HECW2: variants seen among roughly 807,000 people sequenced by gnomAD.
HECW2 encodes E3 ubiquitin-protein ligase HECW2.
A neutral mutation model predicts 175.2 loss-of-function variants in HECW2; 61 were observed. The ratio of observed to expected loss-of-function variants is 0.35; its 90% CI spans 0.28 to 0.43. The LOEUF (loss-of-function observed/expected upper bound fraction) is 0.43, where lower values mean the gene tolerates loss of function less well. HECW2 is among the 20% of genes least tolerant of loss of function. The pLI is 1.00. For synonymous variants in HECW2, 671 were observed against 731.0 expected (o/e 0.92, Z 1.32); for missense variants, 1,524 against 2,000.5 (o/e 0.76, Z 4.54).
At chr2:196,461,512 A>G (rs1486338001) in intron 1 of HECW2, among the ~76,000 whole-genome samples, 1 of 152,202 alleles carries the variant, frequency 6.6e-6, no homozygotes, top group Non-Finnish European at 1.5e-5. Context: ...AGAAATGAAA[A>G]CATATCCACA....
chr2:196,221,117 T>C (rs886616521), intron 24 of HECW2, among the ~76,000 whole-genome samples, 176 bp from the exon 25 acceptor site: 10 of 152,062 alleles, frequency 6.6e-5, no homozygotes, highest in Non-Finnish European at 1.2e-4. Context: ...CAGGAAAAAA[T>C]AGGCATTGAG....
rs1371848681 is a variant in HECW2 at position 196,318,669 on chromosome 2, C to G, written c.2221G>C (p.Gly741Arg). ...EELGEVWQRR[G>R]SLEGAAAAAE... is the part of the protein sequence containing the mutation. The stretch of plus-strand genomic sequence containing the variant: ...GCAGCTGCAGCTCCCTCCAGGCTCC[C>G]CCTCCGCTGCCAGACCTCCCCCAGC... Residue 741 changes from glycine (G) to arginine (R), a missense_variant, in exon 9 of 29, where the codon GGG (glycine) becomes CGG (arginine). Gly to Arg is a moderately radical substitution (Grantham distance 125). Coordinates refer to ENST00000644978, the MANE Select transcript of HECW2 (RefSeq NM_001348768.2). The G allele has an allele frequency of 8.7e-6, 14 of 1,600,200 alleles. No homozygotes were observed. The highest frequency in any genetic ancestry group is 1.2e-5 in the Non-Finnish European group (14 of 1,172,812).
At chr2:196,444,096 T>G (rs112231018) in intron 1 of HECW2, among the ~76,000 whole-genome samples, 1 of 152,238 alleles carries the variant, frequency 6.6e-6, no homozygotes, top group African/African-American at 2.4e-5. Context: ...CATTTCCTCT[T>G]ACATTCATTC....
intron 21 of HECW2, among the ~76,000 whole-genome samples, chr2:196,237,617 A>G (rs929886502): frequency 2.0e-5 from 3 of 152,148 alleles, no homozygotes; most frequent in Admixed American, 6.5e-5. Context: ...GGCTGGTTCC[A>G]TATTTTGCAA....
At chr2:196,453,485 AG>A (rs1374386572) in intron 1 of HECW2, among the ~76,000 whole-genome samples, 2 of 152,114 alleles carry the variant, frequency 1.3e-5, no homozygotes, top group African/African-American at 4.8e-5. Flanking sequence ...TAGGAAGGAG[AG>A]TATTGTAATT....
intron 15 of HECW2, among the ~76,000 whole-genome samples, chr2:196,277,358 G>A (rs1689996432): frequency 1.3e-5 from 2 of 152,114 alleles, no homozygotes; most frequent in Admixed American, 6.5e-5. Context: ...ATACTAGTGA[G>A]GATTCCATAA....
At chr2:196,285,691 A>G (rs1690360849) in intron 14 of HECW2, among the ~76,000 whole-genome samples, 1 of 152,228 alleles carries the variant, frequency 6.6e-6, no homozygotes, top group South Asian at 2.1e-4. Context: ...TGTCTTAGAC[A>G]GACTCTTTGT....
intron 1 of HECW2, among the ~76,000 whole-genome samples, chr2:196,444,722 G>C (rs1234582478): frequency 4.6e-5 from 7 of 152,360 alleles, no homozygotes; most frequent in Non-Finnish European, 8.8e-5. Context: ...AGGGTGAACA[G>C]GGAAGGCCTC....
chr2:196,499,857 ATTTAT>A (rs1687518523), intron 1 of HECW2, among the ~76,000 whole-genome samples: 1 of 152,152 alleles, frequency 6.6e-6, no homozygotes, highest in East Asian at 1.9e-4. Context: ...CAAGGGTTTT[ATTTAT>A]TTTAACCTCA....
intron 28 of HECW2, among the ~76,000 whole-genome samples, chr2:196,213,226 T>A (rs1218706627): frequency 6.6e-6 from 1 of 152,250 alleles, no homozygotes; most frequent in African/African-American, 2.4e-5. Context: ...GTACTTTTAT[T>A]CTTTGTGGAG....
intron 1 of HECW2, among the ~76,000 whole-genome samples, chr2:196,456,029 A>C (rs1440887657): frequency 6.6e-6 from 1 of 152,026 alleles, no homozygotes; most frequent in Non-Finnish European, 1.5e-5. Context: ...AATTTTTCAC[A>C]ATTCATACCC....
At chr2:196,551,794 G>A (rs1397508636) in intron 1 of HECW2, among the ~76,000 whole-genome samples, 2 of 152,162 alleles carry the variant, frequency 1.3e-5, no homozygotes, top group Non-Finnish European at 2.9e-5. Flanking sequence ...ACTAAATTCT[G>A]AGGAAACAAT....
chr2:196,210,052 T>C (rs11693007), intron 28 of HECW2, among the ~76,000 whole-genome samples: 41,291 of 152,130 alleles, frequency 0.27, 5,853 homozygotes, highest in East Asian at 0.54. Context: ...CGTGAGCCAC[T>C]GTGCCCAGCC....
At chr2:196,278,986 G>A (rs1483140609) in intron 14 of HECW2, among the ~76,000 whole-genome samples, 1 of 152,066 alleles carries the variant, frequency 6.6e-6, no homozygotes, top group Non-Finnish European at 1.5e-5. Flanking sequence ...TTAACTGATG[G>A]TCTTTGAGCT....
intron 1 of HECW2, among the ~76,000 whole-genome samples, chr2:196,509,367 G>A (rs896395480): frequency 2.0e-5 from 3 of 152,158 alleles, no homozygotes; most frequent in African/African-American, 7.2e-5. Context: ...TTTTAAAGAA[G>A]CTTCATTATG....
chr2:196,552,127 G>A (rs1405745457), intron 1 of HECW2, among the ~76,000 whole-genome samples: 1 of 152,192 alleles, frequency 6.6e-6, no homozygotes, highest in African/African-American at 2.4e-5. Context: ...AAAGAGAGAT[G>A]CAGGGAACTA....
intron 2 of HECW2, among the ~76,000 whole-genome samples, chr2:196,405,733 A>G (rs1421085682): frequency 6.6e-6 from 1 of 152,116 alleles, no homozygotes; most frequent in Non-Finnish European, 1.5e-5. Flanking sequence ...TGAATTCTCC[A>G]GTAGGCATTC....
chr2:196,214,086 A>G (rs1340094681), intron 28 of HECW2, among the ~76,000 whole-genome samples: 3 of 152,334 alleles, frequency 2.0e-5, no homozygotes, highest in African/African-American at 7.2e-5. Context: ...ATGCTTACTC[A>G]TGGCCAGAGA....
chr2:196,560,747 G>A lies in HECW2; in HGVS notation c.-36+32761C>T, dbSNP rs147918611. Among the ~76,000 whole-genome samples, 427 of 152,274 alleles carry A rather than the reference G, an allele frequency of 2.8e-3. 3 individuals carry two copies. Among genetic ancestry groups the A allele is most frequent in the African/African-American group, 9.5e-3 (393 of 41,556 alleles). On this transcript the variant is annotated intron_variant, in intron 1 of 28. Coordinates refer to ENST00000644978, the MANE Select transcript of HECW2 (RefSeq NM_001348768.2). ...ACTGTTGCGGGAAGTCAGGGACCGCGAACGGAGAGACTTGCTGAAGCCGTG... is the reference window on the plus strand; with the variant it reads ...ACTGTTGCGGGAAGTCAGGGACCGCAAACGGAGAGACTTGCTGAAGCCGTG...
Sources: allele counts gnomAD v4.1 joint callset (sites outside exome capture counted in the v4.1 genomes callset), GRCh38; gene constraint gnomAD v4.1.1; transcripts MANE v1.5; gene names NCBI Gene and HGNC (gene_info 2026-07-23, HGNC 2026-07-21).